MTR: variants seen among roughly 807,000 people sequenced by gnomAD.
MTR encodes the protein methionine synthase.
Under a neutral mutation model 154.8 loss-of-function variants are expected in MTR, and 84 were observed. The ratio of observed to expected loss-of-function variants is 0.54; its 90% confidence interval spans 0.45 to 0.65. The LOEUF (loss-of-function observed/expected upper bound fraction) is 0.65. Among genes scored for constraint, MTR ranks in the 30% least tolerant of loss-of-function variants. The pLI is 0.00. For synonymous variants in MTR, 554 were observed against 553.9 expected (o/e 1.00, Z 0.00); for missense variants, 1,275 against 1,570.2 (o/e 0.81, Z 3.18).
chr1:236,860,950 C>T (rs766497396), intron 19 of MTR, among the ~76,000 whole-genome samples, 175 bp from the exon 20 acceptor site: 1 of 152,108 alleles, frequency 6.6e-6, no homozygotes, highest in Non-Finnish European at 1.5e-5. Context: ...GAAACTGAGG[C>T]TTATTGAATT....
chr1:236,842,888 G>A (rs1329574708), intron 15 of MTR, among the ~76,000 whole-genome samples: 2 of 151,532 alleles, frequency 1.3e-5, no homozygotes, highest in Admixed American at 6.6e-5. Flanking sequence ...GAGTTCGAGA[G>A]TAGCCTGGCC....
Position 236,795,536 on chromosome 1 carries a change from C to T in MTR, c.-168C>T, listed in dbSNP as rs1169310704. On this transcript the variant is annotated 5_prime_UTR_variant, in exon 1 of 33. Transcript: ENST00000366577. ...GAGGCCCTAGGGCGCTGCGGGCTTT[C>T]GGGGTCCGCAGTCCCCCCGCGACGC... The T allele has an allele frequency of 3.9e-6, 6 of 1,532,128 alleles. No homozygotes were observed. The highest frequency in any genetic ancestry group is 2.5e-5 in the East Asian group (1 of 40,702). The allele number at this position is 1,532,128 out of a possible 1,614,324, so 94.9% of individuals were successfully genotyped here.
chr1:236,856,242 T>G (rs1191922072), intron 18 of MTR, among the ~76,000 whole-genome samples: 1 of 152,136 alleles, frequency 6.6e-6, no homozygotes, highest in Non-Finnish European at 1.5e-5. Flanking sequence ...CAAAACTCCA[T>G]CCCCCAGGTA....
chr1:236,815,750 C>T, intron 7 of MTR, 87 bp downstream of exon 7: 5 of 1,280,190 alleles, frequency 3.9e-6, no homozygotes, highest in Non-Finnish European at 5.7e-6. Context: ...CATAGTAGAA[C>T]TATTAATGGT....
Position 236,847,904 on chromosome 1 carries a change from T to G in MTR, c.1516-2440T>G, listed in dbSNP as rs1300277453. ...TGAAATCCACCAGCACGATTGAGGC[T>G]TTATTAGTGTGTCTGTCCCACAGCC... On this transcript the variant is annotated intron_variant, in intron 15 of 32. Transcript: ENST00000366577. Among the ~76,000 whole-genome samples, 11 of 152,284 alleles carry G rather than the reference T, an allele frequency of 7.2e-5. No individual in the cohort carries two copies. The East Asian group carries it at 2.1e-3, about 29-fold the overall frequency.
chr1:236,885,256 G>T, intron 26 of MTR, 37 bp downstream of exon 26: 1 of 1,333,712 alleles, frequency 7.5e-7, no homozygotes, highest in Non-Finnish European at 1.1e-6. Context: ...TGTTTTTAAT[G>T]TGACTGTTTT....
Position 236,899,123 on chromosome 1 carries a change from TA to T in MTR, c.*1483del, listed in dbSNP as rs1322172007. On this transcript the variant is annotated 3_prime_UTR_variant, in exon 33 of 33. Transcript: ENST00000366577. ...AAGATTATAAAGGTATCAGGTCTCC[TA>T]AAATTGATCTATGGATTTAATACCA... is the stretch of plus-strand genomic sequence containing the variant. 3 of 152,220 alleles carry T rather than the reference TA, an allele frequency of 2.0e-5. No individual in the cohort carries two copies. Among genetic ancestry groups the T allele is most frequent in the Non-Finnish European group, 2.9e-5 (2 of 68,048 alleles). The allele number at this position is 152,220 out of a possible 1,614,324, so 9.4% of individuals were successfully genotyped here.
intron 8 of MTR, among the ~76,000 whole-genome samples, chr1:236,819,467 G>A (rs1013759380): frequency 3.5e-4 from 53 of 152,116 alleles, no homozygotes; most frequent in African/African-American, 1.3e-3. Context: ...ATTCCGTTGC[G>A]AAGATGTACG....
At position 236,834,573 on chromosome 1, in the gene MTR, A is replaced by T. The variant is rs539493343; in HGVS notation, c.1189-974A>T. On this transcript the variant is annotated intron_variant, in intron 13 of 32. Transcript: ENST00000366577. Reference sequence around the variant, plus strand: ...CTTGTAGCATATGCCATAGGGTTTCATGCCTGTTCTATCACAATGAGTGCT... The same window carrying T: ...CTTGTAGCATATGCCATAGGGTTTCTTGCCTGTTCTATCACAATGAGTGCT... 8.0e-4 allele frequency among the ~76,000 whole-genome samples: 122 copies of T among 152,086 alleles called. 3 individuals carry two copies. The highest frequency in any genetic ancestry group is 2.9e-3 in the African/African-American group (120 of 41,486).
chr1:236,875,699 A>G (rs146488978), intron 24 of MTR, among the ~76,000 whole-genome samples: 104 of 152,288 alleles, frequency 6.8e-4, no homozygotes, highest in African/African-American at 2.2e-3. Flanking sequence ...GTCTGGTTCC[A>G]TAGGTATGCC....
chr1:236,821,479 T>G (rs1661946258), intron 8 of MTR, among the ~76,000 whole-genome samples: 2 of 152,190 alleles, frequency 1.3e-5, no homozygotes, highest in African/African-American at 2.4e-5. Flanking sequence ...TATCAGATAA[T>G]GTGTTTTGCA....
intron 15 of MTR, among the ~76,000 whole-genome samples, chr1:236,839,049 C>T (rs1043100621): frequency 6.6e-6 from 1 of 152,140 alleles, no homozygotes; most frequent in Non-Finnish European, 1.5e-5. Context: ...TATAACCTTA[C>T]GGAACCATTG....
chr1:236,897,310 G>GCGCGCGCGCGCGCGCACACACACA, intron 32 of MTR, among the ~76,000 whole-genome samples, 192 bp downstream of exon 32: 20 of 128,674 alleles, frequency 1.6e-4, no homozygotes, highest in South Asian at 8.2e-4. Flanking sequence ...CCACACACAC[G>GCGCGCGCGCGCGCGCACACACACA]CACACACACA....
At chr1:236,840,475 C>G (rs1364604169) in intron 15 of MTR, among the ~76,000 whole-genome samples, 2 of 152,104 alleles carry the variant, frequency 1.3e-5, no homozygotes, top group Non-Finnish European at 2.9e-5. Flanking sequence ...AGTGAAGAGG[C>G]TGTCAGGGAA....
intron 18 of MTR, 96 bp downstream of exon 18, chr1:236,853,184 A>C: frequency 7.5e-7 from 1 of 1,340,226 alleles, no homozygotes. Flanking sequence ...ATAGAAGCAA[A>C]TATCGAATCA....
intron 9 of MTR, among the ~76,000 whole-genome samples, chr1:236,824,745 A>G (rs1191178548): frequency 1.3e-5 from 2 of 152,196 alleles, no homozygotes; most frequent in Non-Finnish European, 2.9e-5. Context: ...AGCACTGCTT[A>G]GCTACTTAGA....
At chr1:236,810,226 A>C (rs1400375394) in intron 4 of MTR, among the ~76,000 whole-genome samples, 1 of 152,206 alleles carries the variant, frequency 6.6e-6, no homozygotes, top group Non-Finnish European at 1.5e-5. Context: ...CCTTAGTGGG[A>C]TCTGGGGCAG....
chr1:236,827,113 T>A (rs1308760864), intron 11 of MTR, among the ~76,000 whole-genome samples: 2 of 152,150 alleles, frequency 1.3e-5, no homozygotes, highest in African/African-American at 4.8e-5. Context: ...TAATCCAACA[T>A]GATTGGTGTC....
chr1:236,874,541 A>C (rs1416618962), intron 23 of MTR, among the ~76,000 whole-genome samples, 185 bp from the exon 24 acceptor site: 1 of 151,706 alleles, frequency 6.6e-6, no homozygotes, highest in Non-Finnish European at 1.5e-5. Flanking sequence ...ACTGCACTCC[A>C]ACCTGGGCAA....
Sources: gnomAD v4.1 joint callset for allele counts (sites outside exome capture counted in the v4.1 genomes callset) on GRCh38, gnomAD v4.1.1 for gene constraint, MANE v1.5 for transcripts, NCBI Gene and HGNC (gene_info 2026-07-23, HGNC 2026-07-21) for gene names.